Variants in NPTX2 observed in about 807,000 individuals in gnomAD.
NPTX2 encodes the protein neuronal pentraxin-2.
Under a neutral mutation model 38.1 loss-of-function variants are expected in NPTX2, and 23 were observed. That is an observed-to-expected ratio of 0.60 (90% CI 0.43 to 0.85). NPTX2 has a LOEUF of 0.85. NPTX2 is among the 40% of genes least tolerant of loss of function. NPTX2 has a pLI of 0.00. For synonymous variants in NPTX2, 291 were observed against 287.3 expected, an observed-to-expected ratio of 1.01 and a Z score of -0.13; for missense variants, 553 against 615.3, an observed-to-expected ratio of 0.90 and a Z score of 1.07.
At chr7:98,623,529 C>T (rs1020701134) in intron 2 of NPTX2, among the ~76,000 whole-genome samples, 3 of 152,166 alleles carry the variant, frequency 2.0e-5, no homozygotes, top group African/African-American at 2.4e-5. Context: ...GAGACACCTG[C>T]GGTTGCCCTG....
At position 98,619,828 on chromosome 7, in the gene NPTX2, G is replaced by T; in HGVS notation, c.612G>T (p.Ala204=). The T allele has an allele frequency of 6.2e-7, 1 of 1,613,946 alleles. No homozygotes were observed. Among genetic ancestry groups the T allele is most frequent in the East Asian group, 2.2e-5 (1 of 44,878 alleles). ...AGAAGACCGAGAGCACCCTGAACGC[G>T]CTGCTGCAGAGGGTCACCGAGCTGG... ...HRQKTESTLN[A]LLQRVTELER... Residue 204 remains alanine, a synonymous_variant, in exon 2 of 5, where the codon GCG becomes GCT. Coordinates refer to ENST00000265634, the MANE Select transcript of NPTX2 (RefSeq NM_002523.3).
chr7:98,619,277 G>A (rs903109898), intron 1 of NPTX2, among the ~76,000 whole-genome samples: 4 of 152,056 alleles, frequency 2.6e-5, no homozygotes, highest in Non-Finnish European at 4.4e-5. Context: ...TTGGCTTTGT[G>A]TAACCATCGA....
chr7:98,621,999 T>G (rs1392591114), intron 2 of NPTX2, among the ~76,000 whole-genome samples: 1 of 152,204 alleles, frequency 6.6e-6, no homozygotes, highest in Non-Finnish European at 1.5e-5. Context: ...TGGATGCCCC[T>G]GCCACCCGGG....
chr7:98,628,361 T>G, intron 4 of NPTX2, 41 bp from the exon 5 acceptor site: 1 of 1,012,932 alleles, frequency 9.9e-7, no homozygotes, highest in Non-Finnish European at 1.5e-6. Context: ...GGGGGACTTG[T>G]GAACCAGCCC....
At chr7:98,623,289 T>G (rs1791299015) in intron 2 of NPTX2, among the ~76,000 whole-genome samples, 1 of 152,206 alleles carries the variant, frequency 6.6e-6, no homozygotes, top group African/African-American at 2.4e-5. Flanking sequence ...TCAAATGGTG[T>G]CCTGCAAACT....
At position 98,617,449 on chromosome 7, in the gene NPTX2, C is replaced by A; in HGVS notation, c.-13C>A. ...CTCGCCCATGCCGAGCTGAGCGCGGCAGCGGCGGCGGGATGCTGGCGCTGC... is the reference window on the plus strand; with the variant it reads ...CTCGCCCATGCCGAGCTGAGCGCGGAAGCGGCGGCGGGATGCTGGCGCTGC... On this transcript the variant is annotated 5_prime_UTR_variant, in exon 1 of 5. Transcript: ENST00000265634. 1.0e-6 allele frequency: 1 copy of A among 982,144 alleles called. No homozygotes were observed. Among genetic ancestry groups the A allele is most frequent in the Non-Finnish European group, 1.3e-6 (1 of 767,386 alleles). 60.8% of individuals were successfully genotyped at this position (982,144 alleles called of 1,614,324 possible). A position where few individuals can be genotyped will look rare whatever the true frequency, so the allele number is the denominator to read the frequency against.
At position 98,628,485 on chromosome 7, in the gene NPTX2, C is replaced by T. The variant is rs748698114; in HGVS notation, c.1152C>T (p.Arg384=). ...TCAACATATGGGACCGCGTCCTTCG[C>T]GCACAAGAAATTGTCAACATCGCCA... The part of the protein sequence containing the change: ...SQFNIWDRVL[R]AQEIVNIANC... The change falls in exon 5 of 5, where the codon CGC becomes CGT. Residue 384 remains arginine (R), a synonymous_variant. Coordinates refer to ENST00000265634, the MANE Select transcript of NPTX2 (RefSeq NM_002523.3). 63 of 1,611,144 alleles carry T rather than the reference C, an allele frequency of 3.9e-5. No individual in the cohort carries two copies. Among genetic ancestry groups the T allele is most frequent in the Non-Finnish European group, 4.8e-5 (56 of 1,177,880 alleles).
chr7:98,626,550 A>T (rs1004491668), intron 3 of NPTX2, among the ~76,000 whole-genome samples: 1 of 152,166 alleles, frequency 6.6e-6, no homozygotes, highest in Non-Finnish European at 1.5e-5. Context: ...GCTTGTAAAC[A>T]TCGAATTCCT....
intron 2 of NPTX2, among the ~76,000 whole-genome samples, chr7:98,624,043 C>T (rs940984058): frequency 7.9e-5 from 12 of 152,194 alleles, no homozygotes; most frequent in African/African-American, 2.9e-4. Context: ...TCACTGCAGC[C>T]TGGACCTCCT....
chr7:98,626,757 G>A (rs1370512039), intron 3 of NPTX2, among the ~76,000 whole-genome samples: 1 of 148,260 alleles, frequency 6.7e-6, no homozygotes, highest in Non-Finnish European at 1.5e-5. Flanking sequence ...GGAGGACGGG[G>A]CACACCCGCA....
rs913721314 is a variant in NPTX2 at position 98,628,338 on chromosome 7, C to T, written c.1069-64C>T. On this transcript the variant is annotated intron_variant, in intron 4 of 4. Coordinates refer to ENST00000265634, the MANE Select transcript of NPTX2 (RefSeq NM_002523.3). ...GAGAAATGCCCAAATCTCCTGTCTG[C>T]AGCCCGTGTGCAGGGGGACTTGTGA... 1.1e-5 allele frequency: 8 copies of T among 739,440 alleles called. 1 individual carries two copies. The African/African-American group carries it at 1.4e-4, about 13-fold the overall frequency. The allele number at this position is 739,440 out of a possible 1,614,324, so 45.8% of individuals were successfully genotyped here.
rs371517261 is a variant in NPTX2, at chr7:98,619,762, C to G, written c.546C>G (p.Asp182Glu). ...QLLRKVAELEDEKSLLHNETS... is the reference protein window; with the variant it reads ...QLLRKVAELEEEKSLLHNETS... ...TGCGCAAGGTGGCAGAGCTGGAGGA[C>G]GAGAAGTCCCTGCTGCACAATGAGA... The change falls in exon 2 of 5, where the codon GAC becomes GAG. Residue 182 changes from aspartate to glutamate, a missense_variant. By Grantham distance (45) the Asp-to-Glu change is conservative. Coordinates refer to ENST00000265634, the MANE Select transcript of NPTX2 (RefSeq NM_002523.3). The G allele has an allele frequency of 6.2e-7, 1 of 1,613,420 alleles. No individual in the cohort carries two copies. The highest frequency in any genetic ancestry group is 8.5e-7 in the Non-Finnish European group (1 of 1,180,022).
chr7:98,621,104 T>A (rs975674917), intron 2 of NPTX2, among the ~76,000 whole-genome samples: 3 of 152,024 alleles, frequency 2.0e-5, no homozygotes, highest in Non-Finnish European at 4.4e-5. Context: ...AACCTGCACC[T>A]CCTCCTTCTC....
chr7:98,627,980 A>T (rs544834749), intron 4 of NPTX2, among the ~76,000 whole-genome samples: 24 of 152,184 alleles, frequency 1.6e-4, no homozygotes, highest in Non-Finnish European at 2.9e-4. Flanking sequence ...TCTAGGACAG[A>T]TAAGTGTTGG....
chr7:98,617,892 C>G lies in NPTX2; in HGVS notation c.426+5C>G. The G allele has an allele frequency of 6.5e-7, 1 of 1,548,312 alleles. No individual in the cohort carries two copies. The highest frequency in any genetic ancestry group is 1.2e-5 in the South Asian group (1 of 85,324). ...GACCGCCTGGAGAGCCTCGAGGTAGCGGCCCGCGGGGAGCGCGGGGGACCT... is the reference window on the plus strand; with the variant it reads ...GACCGCCTGGAGAGCCTCGAGGTAGGGGCCCGCGGGGAGCGCGGGGGACCT... On this transcript the variant is annotated splice_donor_5th_base_variant and intron_variant, in intron 1 of 4. Transcript: ENST00000265634.
At chr7:98,623,444 G>A (rs1037909990) in intron 2 of NPTX2, among the ~76,000 whole-genome samples, 3 of 152,128 alleles carry the variant, frequency 2.0e-5, no homozygotes, top group Admixed American at 6.5e-5. Flanking sequence ...TAGGGGTGGC[G>A]GGTGGATTCT....
At position 98,628,500 on chromosome 7, in the gene NPTX2, C is replaced by G. The variant is rs767542082; in HGVS notation, c.1167C>G (p.Val389=). Residue 389 remains valine (V), a synonymous_variant, in exon 5 of 5, where the codon GTC becomes GTG. Coordinates refer to ENST00000265634, the MANE Select transcript of NPTX2 (RefSeq NM_002523.3). The part of the protein sequence containing the change: ...WDRVLRAQEI[V]NIANCSTNMP... ...GCGTCCTTCGCGCACAAGAAATTGTCAACATCGCCAACTGCTCCACAAACA... is the reference window on the plus strand; with the variant it reads ...GCGTCCTTCGCGCACAAGAAATTGTGAACATCGCCAACTGCTCCACAAACA... 3 of 1,609,904 alleles carry G rather than the reference C, an allele frequency of 1.9e-6. No individual in the cohort carries two copies. Among genetic ancestry groups the G allele is most frequent in the Non-Finnish European group, 2.5e-6 (3 of 1,176,872 alleles).
chr7:98,625,657 G>T (rs1035180826), intron 3 of NPTX2, among the ~76,000 whole-genome samples: 1 of 152,062 alleles, frequency 6.6e-6, no homozygotes, highest in African/African-American at 2.4e-5. Context: ...ACACAGTTGT[G>T]TAACCACCAC....
At chr7:98,621,679 G>C (rs934293775) in intron 2 of NPTX2, among the ~76,000 whole-genome samples, 2 of 152,186 alleles carry the variant, frequency 1.3e-5, no homozygotes, top group Non-Finnish European at 2.9e-5. Flanking sequence ...CTTGGTGGGG[G>C]AACTCTGGCC....
Sources: gnomAD v4.1 joint callset for allele counts (sites outside exome capture counted in the v4.1 genomes callset) on GRCh38, gnomAD v4.1.1 for gene constraint, MANE v1.5 for transcripts, NCBI Gene and HGNC (gene_info 2026-07-23, HGNC 2026-07-21) for gene names.